The following MYO18A variants were observed in gnomAD, a reference collection of about 807,000 sequenced individuals.
MYO18A encodes the protein unconventional myosin-XVIIIa.
A neutral mutation model predicts 235.8 loss-of-function variants in MYO18A; 78 were observed. The ratio of observed to expected loss-of-function variants is 0.33; its 90% CI spans 0.28 to 0.40. The LOEUF (loss-of-function observed/expected upper bound fraction) is 0.40, where lower values mean the gene tolerates loss of function less well. Among genes scored for constraint, MYO18A ranks in the 10% least tolerant of loss-of-function variants. The pLI is 1.00. For synonymous variants in MYO18A, 977 were observed against 1,077.8 expected, an observed-to-expected ratio of 0.91 and a Z score of 1.83; for missense variants, 2,215 against 2,699.3, an observed-to-expected ratio of 0.82 and a Z score of 3.98.
intron 2 of MYO18A, chr17:29,124,598 C>T: frequency 3.3e-6 from 4 of 1,220,982 alleles, no homozygotes; most frequent in South Asian, 2.7e-5. Flanking sequence ...GCCAGTGGGG[C>T]TAGGTGGTCA....
At chr17:29,128,182 C>A in intron 2 of MYO18A, 5 of 1,038,980 alleles carry the variant, frequency 4.8e-6, no homozygotes, top group Non-Finnish European at 6.0e-6. Flanking sequence ...CAGGCTTAGG[C>A]GGAGCAGGGG....
intron 2 of MYO18A, among the ~76,000 whole-genome samples, chr17:29,153,520 C>G (rs2068000279): frequency 6.6e-6 from 1 of 152,260 alleles, no homozygotes; most frequent in African/African-American, 2.4e-5. Context: ...CCCAAGGTCA[C>G]TCAGCCAGTA....
Position 29,111,383 on chromosome 17 carries a change from T to C in MYO18A, c.2900+41A>G. On this transcript the variant is annotated intron_variant, in intron 17 of 41. Coordinates refer to ENST00000527372, the MANE Select transcript of MYO18A (RefSeq NM_078471.4). This position sits in a 1 kb window ranked among gnomAD's most constrained non-coding sequence, Gnocchi z 5.1. ...GGAGGGAGCCCCAAAATCAAAACAG[T>C]CCTGGGTACAGAACAGGGGCGGAGG... The C allele has an allele frequency of 6.3e-7, 1 of 1,599,700 alleles. No individual in the cohort carries two copies. The highest frequency in any genetic ancestry group is 1.1e-5 in the South Asian group (1 of 88,808).
rs2066787201 is a variant in MYO18A at position 29,106,430 on chromosome 17, C to T, written c.3441+650G>A. On this transcript the variant is annotated intron_variant, in intron 20 of 41. Transcript: ENST00000527372. This position sits in a 1 kb window ranked among gnomAD's most constrained non-coding sequence, Gnocchi z 4.6. ...GCTTTCTGCCCCATTCTGCAGCATC[C>T]TCTCCATTTAGGGAAGCCATCCTAA... Among the ~76,000 whole-genome samples, 1 of 152,176 alleles carries T rather than the reference C, an allele frequency of 6.6e-6. No homozygotes were observed. The highest frequency in any genetic ancestry group is 6.5e-5 in the Admixed American group (1 of 15,286).
chr17:29,176,820 C>T (rs1056858222), intron 1 of MYO18A: 2 of 152,190 alleles, frequency 1.3e-5, no homozygotes, highest in Admixed American at 6.5e-5. Context: ...TCTCACGTGA[C>T]ATTAGCCAGC....
intron 2 of MYO18A, among the ~76,000 whole-genome samples, chr17:29,157,758 C>T (rs2152960041): frequency 6.6e-6 from 1 of 152,218 alleles, no homozygotes; most frequent in South Asian, 2.1e-4. Context: ...ATGCCCTTCC[C>T]CCAAGGCATT....
intron 2 of MYO18A, chr17:29,165,344 A>G (rs2152975567): frequency 6.6e-6 from 1 of 152,280 alleles, no homozygotes; most frequent in East Asian, 1.9e-4. Flanking sequence ...TAGCCTATAC[A>G]CCCCAATTTA....
intron 2 of MYO18A, chr17:29,131,465 C>T: frequency 3.0e-6 from 3 of 984,862 alleles, no homozygotes; most frequent in Non-Finnish European, 3.6e-6. Context: ...ATGAAGAAGT[C>T]ACTGGCAGGT....
Position 29,115,396 on chromosome 17 carries a change from C to A in MYO18A, c.2273G>T (p.Gly758Val). Residue 758 changes from glycine (G) to valine (V), a missense_variant, in exon 13 of 42, where the codon GGC (glycine) becomes GTC (valine). Gly to Val is a moderately radical substitution (Grantham distance 109). Transcript: ENST00000527372. ...AAGGGTGAAGAGCTCGCTGTAGAGGCCGGCCGCCATGCCCTCAAGGCACTC... is the reference window on the plus strand; with the variant it reads ...AAGGGTGAAGAGCTCGCTGTAGAGGACGGCCGCCATGCCCTCAAGGCACTC... ...ALECLEGMAA[G>V]LYSELFTLLV... The A allele has an allele frequency of 6.2e-7, 1 of 1,613,912 alleles. No individual in the cohort carries two copies. The highest frequency in any genetic ancestry group is 1.1e-5 in the South Asian group (1 of 91,090).
In MYO18A at chr17:29,110,628, A is replaced by G. The variant is rs2152823088; in HGVS notation, c.2901-6T>C. 6.2e-7 allele frequency: 1 copy of G among 1,601,422 alleles called. No homozygotes were observed. The highest frequency in any genetic ancestry group is 1.3e-5 in the African/African-American group (1 of 74,796). Reference sequence around the variant, plus strand: ...ACAGGTTGCTGATGATTTTTCTGCCAGAGGTGGGAGGATAAGGGAGGAAAA... The same window carrying G: ...ACAGGTTGCTGATGATTTTTCTGCCGGAGGTGGGAGGATAAGGGAGGAAAA... On this transcript the variant is annotated splice_region_variant and splice_polypyrimidine_tract_variant and intron_variant, in intron 17 of 41. Transcript: ENST00000527372.
intron 36 of MYO18A, 35 bp from the exon 37 acceptor site, chr17:29,090,133 G>C: frequency 6.3e-7 from 1 of 1,598,866 alleles, no homozygotes; most frequent in East Asian, 2.3e-5. Context: ...AGAAAGAACT[G>C]AGCCCAGAAA....
intron 10 of MYO18A, among the ~76,000 whole-genome samples, chr17:29,116,879 A>G (rs1478981156): frequency 6.6e-6 from 1 of 151,868 alleles, no homozygotes; most frequent in Non-Finnish European, 1.5e-5. Context: ...ACCGCCTCAG[A>G]GTGAAGTAAC....
At position 29,121,204 on chromosome 17, in the gene MYO18A, T is replaced by C. The variant is rs1270018178; in HGVS notation, c.1379A>G (p.His460Arg). 1.9e-6 allele frequency: 3 copies of C among 1,605,410 alleles called. No individual in the cohort carries two copies. The highest frequency in any genetic ancestry group is 1.7e-6 in the Non-Finnish European group (2 of 1,176,110). ...APAVYSEKVM[H>R]MFKGCRREDM... Reference sequence around the variant, plus strand: ...CTCCCGCCGACAACCCTTGAACATGTGCATCACCTTGGGCAGGAGAGCAAG... The same window carrying C: ...CTCCCGCCGACAACCCTTGAACATGCGCATCACCTTGGGCAGGAGAGCAAG... Residue 460 changes from histidine to arginine, a missense_variant, in exon 6 of 42, where the codon CAC becomes CGC. His to Arg is a conservative substitution (Grantham distance 29, BLOSUM62 0). Transcript: ENST00000527372. This position sits in a 1 kb window ranked among gnomAD's most constrained non-coding sequence, Gnocchi z 4.2.
intron 40 of MYO18A, among the ~76,000 whole-genome samples, chr17:29,084,956 A>C (rs2066215791): frequency 6.6e-6 from 1 of 152,072 alleles, no homozygotes; most frequent in African/African-American, 2.4e-5. Context: ...GCCACCTGAC[A>C]GTACCAGCAC....
intron 1 of MYO18A, among the ~76,000 whole-genome samples, chr17:29,179,857 G>C (rs967486378): frequency 6.6e-6 from 1 of 152,098 alleles, no homozygotes; most frequent in African/African-American, 2.4e-5. Flanking sequence ...GGTCGGTAGA[G>C]GTGCTCCCCT....
In MYO18A at chr17:29,118,004, C is replaced by A. The variant is rs772545122; in HGVS notation, c.2038+41G>T. The A allele has an allele frequency of 2.6e-6, 4 of 1,555,090 alleles. No homozygotes were observed. Among genetic ancestry groups the A allele is most frequent in the Non-Finnish European group, 3.5e-6 (4 of 1,149,446 alleles). Reference sequence around the variant, plus strand: ...GTGGGCAGGGTCCCTGTGAGGTCACCCAGGGGACAGGCCAGCCTACTGGGA... The same window carrying A: ...GTGGGCAGGGTCCCTGTGAGGTCACACAGGGGACAGGCCAGCCTACTGGGA... On this transcript the variant is annotated intron_variant, in intron 10 of 41. Coordinates refer to ENST00000527372, the MANE Select transcript of MYO18A (RefSeq NM_078471.4). The surrounding 1 kb of genome is among the most constrained non-coding windows in gnomAD (Gnocchi z 4.2).
intron 2 of MYO18A, among the ~76,000 whole-genome samples, chr17:29,123,321 A>T (rs2067244919): frequency 6.6e-6 from 1 of 151,990 alleles, no homozygotes; most frequent in Admixed American, 6.5e-5. Context: ...CCCCAGTGGC[A>T]TGGACCCACC....
chr17:29,078,919 T>C (rs1568033811), intron 41 of MYO18A: 3 of 152,428 alleles, frequency 2.0e-5, no homozygotes, highest in Admixed American at 1.3e-4. Context: ...CGCCCATGTG[T>C]GGGCCTTTGG....
At position 29,121,720 on chromosome 17, in the gene MYO18A, T is replaced by C. The variant is rs2067203622; in HGVS notation, c.1198A>G (p.Asn400Asp). 2 of 1,574,518 alleles carry C rather than the reference T, an allele frequency of 1.3e-6. No homozygotes were observed. The highest frequency in any genetic ancestry group is 1.7e-6 in the Non-Finnish European group (2 of 1,159,728). ...DVDEDDVEKA[N>D]APSCDRLEDL... ...TCCAGACGGTCGCAGGAGGGAGCAT[T>C]AGCCTGTGTGGGAGGACAGGCGGGT... Residue 400 changes from asparagine to aspartate, a missense_variant, in exon 5 of 42, where the codon AAT (asparagine) becomes GAT (aspartate). By Grantham distance (23) the Asn-to-Asp change is conservative. Transcript: ENST00000527372. This position sits in a 1 kb window ranked among gnomAD's most constrained non-coding sequence, Gnocchi z 4.2.
Sources: allele counts gnomAD v4.1 joint callset (sites outside exome capture counted in the v4.1 genomes callset), GRCh38; gene constraint gnomAD v4.1.1; non-coding constraint Gnocchi (gnomAD v3.1); transcripts MANE v1.5; gene names NCBI Gene and HGNC (gene_info 2026-07-23, HGNC 2026-07-21).